Variants in NME7 observed in about 807,000 individuals in gnomAD.
NME7 encodes NME/NM23 family member 7, also known as nucleoside diphosphate kinase 7.
A neutral mutation model predicts 49.1 loss-of-function variants in NME7; 41 were observed. The observed-to-expected ratio is 0.83, with a 90% CI of 0.65 to 1.08. NME7 has a LOEUF of 1.08. NME7 is among the 50% of genes least tolerant of loss of function. The pLI is 0.00. For missense variants in NME7, 423 were observed against 463.4 expected (o/e 0.91, Z 0.80); for synonymous variants, 139 against 150.6 (o/e 0.92, Z 0.56).
intron 6 of NME7, among the ~76,000 whole-genome samples, chr1:169,294,329 A>T (rs1404556735): frequency 1.3e-5 from 2 of 152,164 alleles, no homozygotes; most frequent in Non-Finnish European, 2.9e-5. Context: ...GTAAGACACA[A>T]GTCATGGTCT....
At chr1:169,363,636 C>T (rs1653743555) in intron 1 of NME7, among the ~76,000 whole-genome samples, 1 of 152,194 alleles carries the variant, frequency 6.6e-6, no homozygotes, top group Non-Finnish European at 1.5e-5. Flanking sequence ...CATCCCACCA[C>T]CCAGTTTCTA....
At chr1:169,192,352 T>C (rs1432046763) in intron 10 of NME7, among the ~76,000 whole-genome samples, 2 of 152,088 alleles carry the variant, frequency 1.3e-5, no homozygotes, top group Admixed American at 6.5e-5. Context: ...TGAAAAAAAA[T>C]TGCACCTATA....
intron 1 of NME7, among the ~76,000 whole-genome samples, chr1:169,346,187 G>A (rs1652945913): frequency 6.6e-6 from 1 of 152,074 alleles, no homozygotes; most frequent in South Asian, 2.1e-4. Flanking sequence ...TACAGCCAGA[G>A]AGGATTCTGT....
At chr1:169,247,558 G>A (rs781037474) in intron 7 of NME7, among the ~76,000 whole-genome samples, 5 of 152,122 alleles carry the variant, frequency 3.3e-5, no homozygotes, top group Non-Finnish European at 5.9e-5. Context: ...TAGTGGTGAA[G>A]TCTGAGATTT....
intron 1 of NME7, among the ~76,000 whole-genome samples, chr1:169,340,744 T>C (rs1364766944): frequency 6.6e-6 from 1 of 152,232 alleles, no homozygotes. Context: ...TCACTCATGC[T>C]ATGCTTTAGC....
intron 10 of NME7, among the ~76,000 whole-genome samples, chr1:169,169,773 A>G (rs1659523648): frequency 6.6e-6 from 1 of 152,262 alleles, no homozygotes; most frequent in South Asian, 2.1e-4. Context: ...TGGGAATCAC[A>G]CAAAATGTGA....
intron 4 of NME7, 198 bp from the exon 5 acceptor site, chr1:169,303,393 A>T (rs77308490): frequency 0.012 from 3,347 of 288,392 alleles, 118 homozygotes; most frequent in African/African-American, 0.07. Flanking sequence ...CAATGTAAAT[A>T]AAAATTAATG....
At chr1:169,209,403 C>T (rs1660755142) in intron 10 of NME7, among the ~76,000 whole-genome samples, 2 of 152,024 alleles carry the variant, frequency 1.3e-5, no homozygotes, top group South Asian at 4.1e-4. Context: ...ATTACTGTTA[C>T]TGTATATATT....
intron 10 of NME7, among the ~76,000 whole-genome samples, chr1:169,204,984 C>T (rs1660635828): frequency 6.6e-6 from 1 of 151,882 alleles, no homozygotes; most frequent in Non-Finnish European, 1.5e-5. Flanking sequence ...AACAGTTTTC[C>T]ATCTAATTTT....
intron 7 of NME7, among the ~76,000 whole-genome samples, chr1:169,275,478 CAAAAAAAA>C (rs57449323): frequency 0.22 from 6,491 of 30,108 alleles, 1,598 homozygotes; most frequent in East Asian, 0.79. Flanking sequence ...AACTCCGTCT[CAAAAAAAA>C]AAAAAAAAAA....
intron 6 of NME7, among the ~76,000 whole-genome samples, chr1:169,297,368 T>C (rs1170663900): frequency 6.6e-6 from 1 of 152,218 alleles, no homozygotes; most frequent in Non-Finnish European, 1.5e-5. Context: ...AATGGCTCTC[T>C]ATTTTTTCAG....
chr1:169,267,098 A>G (rs1649340917), intron 7 of NME7, among the ~76,000 whole-genome samples: 1 of 133,068 alleles, frequency 7.5e-6, no homozygotes, highest in African/African-American at 2.5e-5. Context: ...AAAACAATTT[A>G]TAAAAATCAG....
intron 1 of NME7, among the ~76,000 whole-genome samples, chr1:169,324,723 T>C (rs1328094170): frequency 1.3e-5 from 2 of 152,228 alleles, no homozygotes; most frequent in African/African-American, 4.8e-5. Context: ...AAAGATGACT[T>C]ATGGATTGCT....
intron 1 of NME7, among the ~76,000 whole-genome samples, chr1:169,349,325 C>G (rs1653067090): frequency 6.6e-6 from 1 of 152,058 alleles, no homozygotes; most frequent in Non-Finnish European, 1.5e-5. Context: ...CTCTCTAATT[C>G]CTTGCATAAA....
chr1:169,245,782 T>C (rs1235753627), intron 7 of NME7, among the ~76,000 whole-genome samples: 1 of 152,176 alleles, frequency 6.6e-6, no homozygotes, highest in Admixed American at 6.5e-5. Context: ...CTAGAGATTA[T>C]GAGAGTTTAA....
chr1:169,152,231 G>GATA (rs35682595), intron 11 of NME7, among the ~76,000 whole-genome samples: 59,636 of 151,544 alleles, frequency 0.39, 12,043 homozygotes, highest in East Asian at 0.73. Flanking sequence ...AATTTAAAAA[G>GATA]ATAATAATAA....
At chr1:169,190,670 C>T (rs1426341194) in intron 10 of NME7, 1 of 443,148 alleles carries the variant, frequency 2.3e-6, no homozygotes, top group South Asian at 1.6e-5. Flanking sequence ...TTTAGTTTGC[C>T]TAAATTCACT....
intron 7 of NME7, among the ~76,000 whole-genome samples, chr1:169,278,731 C>T (rs1037856098): frequency 2.6e-5 from 4 of 152,230 alleles, no homozygotes; most frequent in Admixed American, 2.0e-4. Context: ...TGGTGAGGAA[C>T]TGCGTTCCTT....
intron 11 of NME7, among the ~76,000 whole-genome samples, chr1:169,157,823 A>G (rs1659122715): frequency 6.6e-6 from 1 of 152,228 alleles, no homozygotes; most frequent in African/African-American, 2.4e-5. Flanking sequence ...TCAAAAGCAG[A>G]ACCAAAGCCG....
Sources: gnomAD v4.1 joint callset for allele counts (sites outside exome capture counted in the v4.1 genomes callset) on GRCh38, gnomAD v4.1.1 for gene constraint, MANE v1.5 for transcripts, NCBI Gene and HGNC (gene_info 2026-07-23, HGNC 2026-07-21) for gene names.